The following GRIA1 variants were observed in gnomAD, a reference collection of about 807,000 sequenced individuals.
GRIA1 encodes the protein glutamate receptor 1.
GRIA1 carries 31 observed loss-of-function variants against 99.2 expected under a neutral mutation model. The ratio of observed to expected loss-of-function variants is 0.31; its 90% CI spans 0.23 to 0.42. The LOEUF (loss-of-function observed/expected upper bound fraction) is 0.42, where lower values mean the gene tolerates loss of function less well. Among genes scored for constraint, GRIA1 ranks in the 10% least tolerant of loss-of-function variants. The pLI is 1.00. For missense variants in GRIA1, 782 were observed against 1,157.5 expected (o/e 0.68, Z 4.71); for synonymous variants, 438 against 432.4 (o/e 1.01, Z -0.16).
At chr5:153,537,379 G>A (rs957169856) in intron 2 of GRIA1, among the ~76,000 whole-genome samples, 5 of 152,124 alleles carry the variant, frequency 3.3e-5, no homozygotes, top group African/African-American at 1.2e-4. Context: ...GAAGGGCCCC[G>A]TGGAGCTTGG....
At chr5:153,631,880 CA>C (rs1753001673) in intron 2 of GRIA1, among the ~76,000 whole-genome samples, 1 of 151,856 alleles carries the variant, frequency 6.6e-6, no homozygotes, top group African/African-American at 2.4e-5. Context: ...GCCAGCCAAG[CA>C]AAAGTAGGGG....
At chr5:153,617,397 G>A (rs1766604782) in intron 2 of GRIA1, among the ~76,000 whole-genome samples, 2 of 152,180 alleles carry the variant, frequency 1.3e-5, no homozygotes, top group African/African-American at 4.8e-5. Flanking sequence ...GGTTCCCTGG[G>A]AATGTGGGCT....
At chr5:153,763,703 C>G (rs1335734801) in intron 11 of GRIA1, among the ~76,000 whole-genome samples, 1 of 152,192 alleles carries the variant, frequency 6.6e-6, no homozygotes, top group Non-Finnish European at 1.5e-5. Flanking sequence ...TGTTTCTCTT[C>G]ATTGTTTGGG....
chr5:153,652,160 C>T lies in GRIA1; in HGVS notation c.645+1646C>T, dbSNP rs112287575. 3.3e-3 allele frequency among the ~76,000 whole-genome samples: 498 copies of T among 152,238 alleles called. 3 individuals are homozygous for T. Among genetic ancestry groups the T allele is most frequent in the African/African-American group, 0.011 (460 of 41,532 alleles). On this transcript the variant is annotated intron_variant, in intron 4 of 15. Coordinates refer to ENST00000285900, the MANE Select transcript of GRIA1 (RefSeq NM_000827.4). ...ACCAGCTTCTTGAGTCACTTTCTTCCTTGGGCATAAGTGAATCCATCTGTA... is the reference window on the plus strand; with the variant it reads ...ACCAGCTTCTTGAGTCACTTTCTTCTTTGGGCATAAGTGAATCCATCTGTA...
At chr5:153,616,720 A>G (rs1185721751) in intron 2 of GRIA1, among the ~76,000 whole-genome samples, 1 of 152,208 alleles carries the variant, frequency 6.6e-6, no homozygotes, top group Non-Finnish European at 1.5e-5. Flanking sequence ...TTCAACTAAT[A>G]TACAGCACAA....
chr5:153,491,126 A>G (rs887412611), intron 1 of GRIA1, 156 bp downstream of exon 1: 2 of 996,218 alleles, frequency 2.0e-6, no homozygotes, highest in African/African-American at 1.6e-5. Context: ...GCTTACAGCC[A>G]GAGGAGGGGG....
At chr5:153,594,204 A>T (rs1764228442) in intron 2 of GRIA1, among the ~76,000 whole-genome samples, 1 of 152,144 alleles carries the variant, frequency 6.6e-6, no homozygotes, top group Non-Finnish European at 1.5e-5. Flanking sequence ...TTTAATTCAC[A>T]GGTCATTCAT....
At chr5:153,546,726 C>T (rs1040815419) in intron 2 of GRIA1, among the ~76,000 whole-genome samples, 1 of 152,160 alleles carries the variant, frequency 6.6e-6, no homozygotes, top group Non-Finnish European at 1.5e-5. Context: ...ACACTCCTAA[C>T]CAACACATTG....
chr5:153,511,407 T>A (rs181963894), intron 2 of GRIA1, among the ~76,000 whole-genome samples: 1 of 152,234 alleles, frequency 6.6e-6, no homozygotes, highest in Admixed American at 6.5e-5. Flanking sequence ...TGGATGGGGA[T>A]TTTAGTACGT....
intron 2 of GRIA1, among the ~76,000 whole-genome samples, chr5:153,501,189 T>C (rs1176533120): frequency 1.3e-5 from 2 of 152,170 alleles, no homozygotes; most frequent in African/African-American, 4.8e-5. Flanking sequence ...GATGAATTCA[T>C]TCAATATTTA....
chr5:153,565,607 C>A (rs182401485), intron 2 of GRIA1, among the ~76,000 whole-genome samples: 2 of 152,266 alleles, frequency 1.3e-5, no homozygotes, highest in Non-Finnish European at 1.5e-5. Context: ...CCCCAGCACC[C>A]TCCCACCATC....
chr5:153,683,198 GTC>G (rs1757109938), intron 7 of GRIA1, among the ~76,000 whole-genome samples: 1 of 152,188 alleles, frequency 6.6e-6, no homozygotes, highest in African/African-American at 2.4e-5. Flanking sequence ...TTCTTCCTCT[GTC>G]TCTGAGTCCT....
chr5:153,516,259 A>T (rs67431205), intron 2 of GRIA1, among the ~76,000 whole-genome samples: 11,235 of 151,792 alleles, frequency 0.074, 543 homozygotes, highest in South Asian at 0.14. Flanking sequence ...TCTACTTCTC[A>T]GGCATAAATA....
chr5:153,749,358 C>A (rs1158955883), intron 11 of GRIA1, among the ~76,000 whole-genome samples: 1 of 152,078 alleles, frequency 6.6e-6, no homozygotes, highest in Non-Finnish European at 1.5e-5. Context: ...TAAAGGCTTA[C>A]CCCTGGCTGG....
intron 11 of GRIA1, among the ~76,000 whole-genome samples, chr5:153,712,043 A>AATTT (rs1458857707): frequency 2.6e-5 from 4 of 151,564 alleles, no homozygotes; most frequent in Admixed American, 6.6e-5. Flanking sequence ...TCCCTCCACT[A>AATTT]ATTTATTTAT....
In GRIA1 at chr5:153,674,544, C is replaced by A; in HGVS notation, c.744C>A (p.Ala248=). Residue 248 remains alanine (A), a synonymous_variant, in exon 6 of 16, where the codon GCC becomes GCA. Coordinates refer to ENST00000285900, the MANE Select transcript of GRIA1 (RefSeq NM_000827.4). ...TAAACAAATTCAAGGAGAGTGGCGC[C>A]AATGTGACAGGTTTCCAGCTGGTGA... The part of the protein sequence containing the change: ...IDLNKFKESG[A]NVTGFQLVNY... 2 of 1,614,034 alleles carry A rather than the reference C, an allele frequency of 1.2e-6. No homozygotes were observed. Among genetic ancestry groups the A allele is most frequent in the Non-Finnish European group, 1.7e-6 (2 of 1,179,978 alleles).
At chr5:153,507,775 A>G (rs957709700) in intron 2 of GRIA1, among the ~76,000 whole-genome samples, 1 of 152,154 alleles carries the variant, frequency 6.6e-6, no homozygotes, top group Non-Finnish European at 1.5e-5. Context: ...TTCCCATCTT[A>G]TTTTAAGTTC....
chr5:153,749,369 G>GAAA (rs1762365467), intron 11 of GRIA1, among the ~76,000 whole-genome samples: 1 of 152,112 alleles, frequency 6.6e-6, no homozygotes, highest in East Asian at 1.9e-4. Flanking sequence ...CCCTGGCTGG[G>GAAA]TAATTTATAA....
intron 2 of GRIA1, among the ~76,000 whole-genome samples, chr5:153,631,856 C>A (rs1752994017): frequency 6.6e-6 from 1 of 151,872 alleles, no homozygotes; most frequent in African/African-American, 2.4e-5. Flanking sequence ...GTGGTCCTTG[C>A]AAGATAACAA....
Sources: allele counts gnomAD v4.1 joint callset (sites outside exome capture counted in the v4.1 genomes callset), GRCh38; gene constraint gnomAD v4.1.1; transcripts MANE v1.5; gene names NCBI Gene and HGNC (gene_info 2026-07-23, HGNC 2026-07-21).